PTPRD: variants seen among roughly 807,000 people sequenced by gnomAD.
PTPRD encodes the protein receptor-type tyrosine-protein phosphatase delta.
In PTPRD, 34 loss-of-function variants were observed where a neutral mutation model predicts 214.5. The observed-to-expected ratio is 0.16, with a 90% CI of 0.12 to 0.21. The LOEUF (loss-of-function observed/expected upper bound fraction) is 0.21, where lower values mean the gene tolerates loss of function less well. Ranked by LOEUF, PTPRD falls within the 10% of genes least tolerant of loss-of-function variation. The pLI, the probability that PTPRD is intolerant of heterozygous loss-of-function variation, is 1.00. For missense variants in PTPRD, 2,545 were observed against 2,398.7 expected, an observed-to-expected ratio of 1.06 and a Z score of -1.27; for synonymous variants, 1,128 against 845.7, an observed-to-expected ratio of 1.33 and a Z score of -5.79.
intron 12 of PTPRD, among the ~76,000 whole-genome samples, chr9:8,710,252 A>G (rs2098302414): frequency 6.6e-6 from 1 of 152,206 alleles, no homozygotes; most frequent in Non-Finnish European, 1.5e-5. Context: ...GCTCTCTTAA[A>G]GGTCTCAGGG....
intron 3 of PTPRD, among the ~76,000 whole-genome samples, chr9:10,236,808 G>A (rs2099630501): frequency 6.6e-6 from 1 of 151,728 alleles, no homozygotes; most frequent in Non-Finnish European, 1.5e-5. Context: ...TTAGGATATT[G>A]CATAATCCAG....
At chr9:8,969,135 T>C (rs956153535) in intron 11 of PTPRD, among the ~76,000 whole-genome samples, 7 of 152,078 alleles carry the variant, frequency 4.6e-5, no homozygotes, top group Admixed American at 1.3e-4. Flanking sequence ...AATGAAATGA[T>C]GCCCAAATTC....
At chr9:9,624,897 T>C (rs2095369254) in intron 7 of PTPRD, among the ~76,000 whole-genome samples, 1 of 151,894 alleles carries the variant, frequency 6.6e-6, no homozygotes, top group African/African-American at 2.4e-5. Context: ...TTACCAGCAG[T>C]GTGGCCTTGG....
chr9:8,436,404 T>C (rs1203267717), intron 35 of PTPRD, among the ~76,000 whole-genome samples, 188 bp downstream of exon 35: 1 of 152,240 alleles, frequency 6.6e-6, no homozygotes, highest in Non-Finnish European at 1.5e-5. Context: ...AATTAACTTT[T>C]TCAAACTGTA....
At chr9:9,361,509 A>G (rs1219695262) in intron 9 of PTPRD, among the ~76,000 whole-genome samples, 1 of 150,994 alleles carries the variant, frequency 6.6e-6, no homozygotes, top group Non-Finnish European at 1.5e-5. Context: ...TGCCAGATTC[A>G]ATTCTACTGT....
chr9:9,309,600 A>G (rs1205760487), intron 9 of PTPRD, among the ~76,000 whole-genome samples: 1 of 152,178 alleles, frequency 6.6e-6, no homozygotes, highest in Non-Finnish European at 1.5e-5. Context: ...CTCCTAGCAC[A>G]TCAAAGAGAG....
intron 6 of PTPRD, among the ~76,000 whole-genome samples, chr9:9,742,174 T>C (rs745645383): frequency 2.6e-5 from 4 of 152,206 alleles, no homozygotes; most frequent in Non-Finnish European, 5.9e-5. Flanking sequence ...GCTTTTTCCA[T>C]ACATTTGTTG....
chr9:8,630,427 T>C (rs1043950793), intron 14 of PTPRD, among the ~76,000 whole-genome samples: 16 of 151,802 alleles, frequency 1.1e-4, no homozygotes, highest in African/African-American at 3.6e-4. Flanking sequence ...GAAATAACAA[T>C]ATTTAGAAGT....
chr9:8,668,034 G>A (rs994593425), intron 12 of PTPRD, among the ~76,000 whole-genome samples: 1 of 152,164 alleles, frequency 6.6e-6, no homozygotes, highest in Non-Finnish European at 1.5e-5. Flanking sequence ...ATGGGGTTAA[G>A]TTGGTCACTT....
chr9:9,885,936 G>A (rs1344564482), intron 5 of PTPRD, among the ~76,000 whole-genome samples: 1 of 151,422 alleles, frequency 6.6e-6, no homozygotes, highest in Admixed American at 6.6e-5. Flanking sequence ...TGTAGATTTT[G>A]TCTAATGTAG....
chr9:9,952,287 G>T (rs2093525767), intron 4 of PTPRD, among the ~76,000 whole-genome samples: 1 of 152,154 alleles, frequency 6.6e-6, no homozygotes, highest in Non-Finnish European at 1.5e-5. Flanking sequence ...TGGAATTCTA[G>T]AATGTAAGAA....
intron 9 of PTPRD, among the ~76,000 whole-genome samples, chr9:9,357,398 C>CTTCTCATGACCTT (rs148512530): frequency 0.011 from 1,679 of 151,360 alleles, 23 homozygotes; most frequent in African/African-American, 0.038. Flanking sequence ...GGTTTGTGGA[C>CTTCTCATGACCTT]TTCTCATGAC....
chr9:10,184,884 T>C (rs1001876349), intron 3 of PTPRD, among the ~76,000 whole-genome samples: 4 of 152,176 alleles, frequency 2.6e-5, no homozygotes, highest in Non-Finnish European at 5.9e-5. Flanking sequence ...TTTTTATTCC[T>C]TTTTACACAT....
intron 8 of PTPRD, among the ~76,000 whole-genome samples, chr9:9,546,866 A>C (rs903837680): frequency 6.6e-6 from 1 of 152,010 alleles, no homozygotes; most frequent in African/African-American, 2.4e-5. Flanking sequence ...CCTCACTAAA[A>C]GAGCATTAAA....
chr9:8,974,357 G>C (rs368340353), intron 11 of PTPRD, among the ~76,000 whole-genome samples: 26 of 151,964 alleles, frequency 1.7e-4, no homozygotes, highest in African/African-American at 6.0e-4. Flanking sequence ...AAAAATTACA[G>C]TTCTACTAGT....
intron 2 of PTPRD, among the ~76,000 whole-genome samples, chr9:10,586,683 G>A (rs1206678896): frequency 7.2e-5 from 11 of 151,902 alleles, no homozygotes; most frequent in Admixed American, 3.9e-4. Context: ...TGCCGAGAAT[G>A]AATTATTCCT....
intron 2 of PTPRD, among the ~76,000 whole-genome samples, chr9:10,489,883 G>T (rs891489596): frequency 2.0e-5 from 3 of 152,128 alleles, no homozygotes; most frequent in African/African-American, 7.2e-5. Flanking sequence ...AATGGGGGAG[G>T]GATAGCATTG....
chr9:8,796,977 T>C (rs891721230), intron 11 of PTPRD, among the ~76,000 whole-genome samples: 1 of 152,194 alleles, frequency 6.6e-6, no homozygotes, highest in East Asian at 1.9e-4. Flanking sequence ...CCAAGTAAAA[T>C]TTTCTGTAAT....
intron 9 of PTPRD, among the ~76,000 whole-genome samples, chr9:9,250,684 C>G (rs1351677293): frequency 6.6e-6 from 1 of 151,966 alleles, no homozygotes; most frequent in African/African-American, 2.4e-5. Context: ...GCTCAGGGGC[C>G]TTTGGCCTTT....
Sources: allele counts gnomAD v4.1 joint callset (sites outside exome capture counted in the v4.1 genomes callset), GRCh38; gene constraint gnomAD v4.1.1; transcripts MANE v1.5; gene names NCBI Gene and HGNC (gene_info 2026-07-23, HGNC 2026-07-21).